The following SIMC1 variants were observed in gnomAD, a reference collection of about 807,000 sequenced individuals.
SIMC1 encodes the protein SUMO-interacting motif-containing protein 1.
In SIMC1, 55 loss-of-function variants were observed where a neutral mutation model predicts 82.3. The ratio of observed to expected loss-of-function variants is 0.67; its 90% confidence interval spans 0.54 to 0.84. The LOEUF (loss-of-function observed/expected upper bound fraction) is 0.84, where lower values mean the gene tolerates loss of function less well. Among genes scored for constraint, SIMC1 ranks in the 40% least tolerant of loss-of-function variants. SIMC1 has a pLI of 0.00. For missense variants in SIMC1, 915 were observed against 1,107.2 expected (o/e 0.83, Z 2.46); for synonymous variants, 353 against 426.3 (o/e 0.83, Z 2.12).
Position 176,303,896 on chromosome 5 carries a change from ATTAAC to A in SIMC1, c.1734+7581_1734+7585del, listed in dbSNP as rs140513679. On this transcript the variant is annotated intron_variant, in intron 4 of 9. Transcript: ENST00000429602. ...GAAGTTGGACTCTGAACATATAAAA[ATTAAC>A]TTAAAATGCATTAAAGACCTGAATA... is the stretch of plus-strand genomic sequence containing the variant. 2.3e-3 allele frequency among the ~76,000 whole-genome samples: 356 copies of A among 152,342 alleles called. 4 individuals carry two copies. The East Asian group carries it at 0.033, about 14-fold the overall frequency.
chr5:176,315,702 A>C (rs1386148461), intron 5 of SIMC1, among the ~76,000 whole-genome samples: 2 of 152,206 alleles, frequency 1.3e-5, no homozygotes, highest in African/African-American at 4.8e-5. Flanking sequence ...AATAACAAGG[A>C]GGACGTTTCG....
At chr5:176,306,573 A>G (rs1764420182) in intron 4 of SIMC1, among the ~76,000 whole-genome samples, 1 of 151,100 alleles carries the variant, frequency 6.6e-6, no homozygotes, top group African/African-American at 2.4e-5. Flanking sequence ...CACTAAGAAA[A>G]ATTCCTCTGC....
chr5:176,278,850 G>C (rs1261828546), intron 1 of SIMC1, among the ~76,000 whole-genome samples: 4 of 150,220 alleles, frequency 2.7e-5, no homozygotes, highest in African/African-American at 7.3e-5. Context: ...GATTCGGTTT[G>C]CCAGTATTTT....
rs865999708 is a variant in SIMC1 at position 176,322,450 on chromosome 5, C to G, written c.2042+25C>G. 2.5e-5 allele frequency: 40 copies of G among 1,598,024 alleles called. 2 individuals carry two copies. The Middle Eastern group carries it at 3.8e-3, about 152-fold the overall frequency. ...TGTAAGGGGCAGGCAGTTCTCTTTC[C>G]TGGGGCTCTTGGGGTTTAGTGTTTT... On this transcript the variant is annotated intron_variant, in intron 6 of 9. Transcript: ENST00000429602.
intron 9 of SIMC1, among the ~76,000 whole-genome samples, chr5:176,340,139 G>T (rs1581336897): frequency 6.6e-6 from 1 of 152,202 alleles, no homozygotes; most frequent in South Asian, 2.1e-4. Flanking sequence ...ACCTGCACTG[G>T]TTTATATAAT....
At chr5:176,254,111 T>A (rs1761776648) in intron 1 of SIMC1, among the ~76,000 whole-genome samples, 1 of 152,162 alleles carries the variant, frequency 6.6e-6, no homozygotes, top group South Asian at 2.1e-4. Context: ...TAGGATCCCA[T>A]GACTGGGTGG....
intron 1 of SIMC1, among the ~76,000 whole-genome samples, chr5:176,280,276 A>G (rs1207237412): frequency 1.3e-5 from 2 of 152,094 alleles, no homozygotes; most frequent in Non-Finnish European, 2.9e-5. Flanking sequence ...AGTCTGTTTT[A>G]TCAGAGACTA....
intron 9 of SIMC1, among the ~76,000 whole-genome samples, chr5:176,339,694 TAAGAG>T (rs1473900237): frequency 1.3e-5 from 2 of 152,230 alleles, no homozygotes; most frequent in Non-Finnish European, 2.9e-5. Context: ...TATGTTTTGA[TAAGAG>T]AGAGAAAGGC....
chr5:176,326,679 C>G (rs1765406117), intron 7 of SIMC1, among the ~76,000 whole-genome samples: 2 of 152,144 alleles, frequency 1.3e-5, no homozygotes, highest in African/African-American at 4.8e-5. Flanking sequence ...ATTCTCCTGC[C>G]TTAGCCTCCT....
rs187171150 is a variant in SIMC1, at chr5:176,303,388, C to T, written c.1734+7068C>T. On this transcript the variant is annotated intron_variant, in intron 4 of 9. Coordinates refer to ENST00000429602, the MANE Select transcript of SIMC1 (RefSeq NM_001308195.2). The stretch of plus-strand genomic sequence containing the variant: ...TATTGCCCAGGCTACAGTGTGATGG[C>T]GCAATCTCAGCTCACTACAACCTCC... Among the ~76,000 whole-genome samples, 547 of 138,072 alleles carry T rather than the reference C, an allele frequency of 4.0e-3. 3 individuals are homozygous for T. Among genetic ancestry groups the T allele is most frequent in the African/African-American group, 0.014 (518 of 37,376 alleles). 90.6% of individuals were successfully genotyped at this position (138,072 alleles called of 152,430 possible). A position where few individuals can be genotyped will look rare whatever the true frequency, so the allele number is the denominator to read the frequency against.
chr5:176,313,218 A>G (rs573868896), intron 4 of SIMC1: 25 of 1,201,280 alleles, frequency 2.1e-5, no homozygotes, highest in South Asian at 2.0e-4. Context: ...GGTTTGATCT[A>G]GCAGCACAGG....
chr5:176,262,242 T>C (rs1336683512), intron 1 of SIMC1, among the ~76,000 whole-genome samples: 31 of 129,782 alleles, frequency 2.4e-4, no homozygotes, highest in African/African-American at 8.6e-4. Flanking sequence ...ATCCCTTCAA[T>C]AGAGGCCAAA....
intron 3 of SIMC1, 87 bp downstream of exon 3, chr5:176,295,349 C>G (rs977033417): frequency 2.7e-6 from 4 of 1,486,998 alleles, no homozygotes; most frequent in Non-Finnish European, 3.6e-6. Context: ...CTTTTTTAAC[C>G]TAACCGTTAC....
intron 5 of SIMC1, among the ~76,000 whole-genome samples, chr5:176,314,546 T>C (rs1764815377): frequency 6.6e-6 from 1 of 152,218 alleles, no homozygotes; most frequent in South Asian, 2.1e-4. Context: ...TACTAGTTTC[T>C]GGAAAGTAAT....
chr5:176,279,835 G>C (rs1468230699), intron 1 of SIMC1, among the ~76,000 whole-genome samples: 1 of 152,136 alleles, frequency 6.6e-6, no homozygotes, highest in Non-Finnish European at 1.5e-5. Context: ...TGTGGTCTGA[G>C]AGATAGTTTG....
chr5:176,331,977 C>A (rs1165983900), intron 7 of SIMC1, among the ~76,000 whole-genome samples: 7 of 150,774 alleles, frequency 4.6e-5, no homozygotes, highest in Non-Finnish European at 1.0e-4. Context: ...AAAAAAAAAA[C>A]AAACAAACAC....
At chr5:176,282,005 T>C (rs1039717098) in intron 1 of SIMC1, among the ~76,000 whole-genome samples, 1 of 152,170 alleles carries the variant, frequency 6.6e-6, no homozygotes. Context: ...ACTGCTGTCT[T>C]TTTGTTTGTC....
rs2113091909 is a variant in SIMC1, at chr5:176,240,878, A to C, written c.129+2241A>C. On this transcript the variant is annotated intron_variant, in intron 1 of 9. Transcript: ENST00000429602. Reference sequence around the variant, plus strand: ...TTAAATTTTTAATGAGACAAATGCAAGGAAAGGATCTCATATAAATGATAG... The same window carrying C: ...TTAAATTTTTAATGAGACAAATGCACGGAAAGGATCTCATATAAATGATAG... Among the ~76,000 whole-genome samples the C allele has an allele frequency of 2.1e-5, 2 of 93,270 alleles. 1 individual carries two copies. The highest frequency in any genetic ancestry group is 8.1e-5 in the African/African-American group (2 of 24,790). 61.2% of individuals were successfully genotyped at this position (93,270 alleles called of 152,430 possible).
intron 4 of SIMC1, among the ~76,000 whole-genome samples, chr5:176,311,241 T>C (rs1254445166): frequency 6.6e-6 from 1 of 152,166 alleles, no homozygotes; most frequent in Non-Finnish European, 1.5e-5. Flanking sequence ...AGTTGTTTTA[T>C]TTATTTATTT....
Sources: allele counts gnomAD v4.1 joint callset (sites outside exome capture counted in the v4.1 genomes callset), GRCh38; gene constraint gnomAD v4.1.1; transcripts MANE v1.5; gene names NCBI Gene and HGNC (gene_info 2026-07-23, HGNC 2026-07-21).